The following DGKB variants were observed in gnomAD, a reference collection of about 807,000 sequenced individuals.
DGKB encodes diacylglycerol kinase beta.
In DGKB, 67 loss-of-function variants were observed where a neutral mutation model predicts 114.3. The ratio of observed to expected loss-of-function variants is 0.59; its 90% CI spans 0.48 to 0.72. The LOEUF (loss-of-function observed/expected upper bound fraction) is 0.72. Ranked by LOEUF, DGKB falls within the 30% of genes least tolerant of loss-of-function variation. The pLI, the probability that DGKB is intolerant of heterozygous loss-of-function variation, is 0.00. For missense variants in DGKB, 907 were observed against 975.2 expected (o/e 0.93, Z 0.93); for synonymous variants, 398 against 323.1 (o/e 1.23, Z -2.49).
In DGKB at chr7:14,162,269, C is replaced by T. The variant is rs146444795; in HGVS notation, c.2305-13031G>A. Among the ~76,000 whole-genome samples the T allele has an allele frequency of 2.0e-3, 300 of 152,290 alleles. 5 individuals carry two copies. The Middle Eastern group carries it at 0.034, about 17-fold the overall frequency. ...TTTCTAACTGCTAAAAGCAATCAAA[C>T]CTGTGCATTATTATTCTGATGATAA... On this transcript the variant is annotated intron_variant, in intron 25 of 25. Transcript: ENST00000402815.
At chr7:14,310,700 A>G (rs1212543266) in intron 23 of DGKB, among the ~76,000 whole-genome samples, 2 of 152,188 alleles carry the variant, frequency 1.3e-5, no homozygotes, top group Non-Finnish European at 1.5e-5. Context: ...CAGGGAAAGA[A>G]CCTAATAATA....
At chr7:14,752,103 G>A (rs76200407) in intron 4 of DGKB, among the ~76,000 whole-genome samples, 4,044 of 152,040 alleles carry the variant, frequency 0.027, 175 homozygotes, top group African/African-American at 0.091. Context: ...AGATGAATTC[G>A]GTTCAGTCAG....
intron 14 of DGKB, among the ~76,000 whole-genome samples, chr7:14,626,168 C>T (rs1392484997): frequency 6.6e-6 from 1 of 152,116 alleles, no homozygotes; most frequent in Admixed American, 6.6e-5. Context: ...AAACTGCTTT[C>T]ACAAAAGGGT....
rs535430719 is a variant in DGKB at position 14,731,195 on chromosome 7, A to G, written c.322+4846T>C. Among the ~76,000 whole-genome samples, 5 of 152,338 alleles carry G rather than the reference A, an allele frequency of 3.3e-5. No homozygotes were observed. In the East Asian group the frequency reaches 9.7e-4, roughly 29 times the overall value. On this transcript the variant is annotated intron_variant, in intron 5 of 25. Transcript: ENST00000402815. ...ATTCACCAAAATAGAAGGTAGGAAT[A>G]GTAGCAGGTTTGTGCAGAATCTAAT...
intron 1 of DGKB, among the ~76,000 whole-genome samples, chr7:14,863,291 T>C (rs1396671035): frequency 6.6e-6 from 1 of 151,668 alleles, no homozygotes; most frequent in Admixed American, 6.6e-5. Flanking sequence ...TTATATTAGG[T>C]ACTAACCATC....
At chr7:14,907,477 A>T (rs535009733), upstream of DGKB, among the ~76,000 whole-genome samples, 1 of 152,370 alleles carries the variant, frequency 6.6e-6, no homozygotes, top group East Asian at 1.9e-4. Context: ...TGAGAGAATC[A>T]AATAATGTGT....
intron 1 of DGKB, among the ~76,000 whole-genome samples, chr7:14,963,471 T>A (rs1197616056): frequency 6.6e-6 from 1 of 152,190 alleles, no homozygotes; most frequent in Non-Finnish European, 1.5e-5. Flanking sequence ...ACAGTCAGAA[T>A]TCAATTTATT....
intron 1 of DGKB, among the ~76,000 whole-genome samples, chr7:14,861,684 C>A (rs1851001591): frequency 6.6e-6 from 1 of 151,790 alleles, no homozygotes; most frequent in Non-Finnish European, 1.5e-5. Flanking sequence ...TATGGCCTGG[C>A]CTGTTTTGAA....
chr7:14,422,723 A>G (rs1022411700), intron 21 of DGKB, among the ~76,000 whole-genome samples: 1 of 152,020 alleles, frequency 6.6e-6, no homozygotes, highest in African/African-American at 2.4e-5. Flanking sequence ...GTTGTCATGC[A>G]TGAGACTGGT....
At chr7:14,973,490 GTTT>G (rs1012265443) in intron 1 of DGKB, among the ~76,000 whole-genome samples, 1 of 139,684 alleles carries the variant, frequency 7.2e-6, no homozygotes, top group Non-Finnish European at 1.6e-5. Context: ...TTGTTGTTTT[GTTT>G]TTTTGTTTTG....
chr7:14,639,173 C>T (rs1377762987), intron 13 of DGKB, among the ~76,000 whole-genome samples: 4 of 151,882 alleles, frequency 2.6e-5, no homozygotes, highest in African/African-American at 9.7e-5. Context: ...AACTGGATAA[C>T]ATAATTTATA....
At chr7:14,182,320 TAATA>T (rs1393206784) in intron 23 of DGKB, among the ~76,000 whole-genome samples, 1 of 151,760 alleles carries the variant, frequency 6.6e-6, no homozygotes, top group Non-Finnish European at 1.5e-5. Context: ...TTTAATTTGT[TAATA>T]AGAAAGCATA....
chr7:14,598,871 T>C (rs898413512), intron 17 of DGKB, among the ~76,000 whole-genome samples: 6 of 152,290 alleles, frequency 3.9e-5, no homozygotes, highest in Admixed American at 3.3e-4. Context: ...CTATGATTTG[T>C]CAATATCTCC....
At chr7:14,453,313 C>T (rs368335920) in intron 21 of DGKB, among the ~76,000 whole-genome samples, 3 of 152,224 alleles carry the variant, frequency 2.0e-5, no homozygotes, top group African/African-American at 7.2e-5. Flanking sequence ...CCATTTCAAG[C>T]ATCCGGTTAC....
At chr7:14,405,817 A>T (rs1035165701) in intron 21 of DGKB, among the ~76,000 whole-genome samples, 6 of 152,048 alleles carry the variant, frequency 3.9e-5, no homozygotes, top group Non-Finnish European at 8.8e-5. Context: ...ATGCAAAAAT[A>T]TAAGAAAAGC....
chr7:14,952,469 G>A (rs1212501342), intron 1 of DGKB, among the ~76,000 whole-genome samples: 1 of 151,854 alleles, frequency 6.6e-6, no homozygotes, highest in African/African-American at 2.4e-5. Flanking sequence ...TGGATTCTCT[G>A]AAGAAATTAA....
At chr7:14,183,073 A>C (rs2128253015) in intron 23 of DGKB, among the ~76,000 whole-genome samples, 1 of 152,288 alleles carries the variant, frequency 6.6e-6, no homozygotes, top group East Asian at 1.9e-4. Context: ...TTGAGCCATT[A>C]TTTGGCCATA....
At chr7:14,871,761 CA>C (rs923506132) in intron 1 of DGKB, among the ~76,000 whole-genome samples, 1 of 152,044 alleles carries the variant, frequency 6.6e-6, no homozygotes, top group Non-Finnish European at 1.5e-5. Flanking sequence ...TTATATTTTA[CA>C]AAAATGTTAA....
intron 23 of DGKB, among the ~76,000 whole-genome samples, chr7:14,288,255 A>T (rs1290172090): frequency 1.7e-4 from 18 of 108,618 alleles, no homozygotes; most frequent in African/African-American, 5.9e-4. Flanking sequence ...TTGTTAAAAG[A>T]AAAAAAAAAA....
Sources: gnomAD v4.1 joint callset for allele counts (sites outside exome capture counted in the v4.1 genomes callset) on GRCh38, gnomAD v4.1.1 for gene constraint, MANE v1.5 for transcripts, NCBI Gene and HGNC (gene_info 2026-07-23, HGNC 2026-07-21) for gene names.